The following WDFY4 variants were observed in gnomAD, a reference collection of about 807,000 sequenced individuals.
The protein encoded by WDFY4 is WD repeat- and FYVE domain-containing protein 4.
A neutral mutation model predicts 351.9 loss-of-function variants in WDFY4; 169 were observed. That is an observed-to-expected ratio of 0.48 (90% CI 0.42 to 0.55). The LOEUF is 0.55. Ranked by LOEUF, WDFY4 falls within the 20% of genes least tolerant of loss-of-function variation. WDFY4 has a pLI of 0.00. For synonymous variants in WDFY4, 1,622 were observed against 1,574.6 expected, an observed-to-expected ratio of 1.03 and a Z score of -0.71; for missense variants, 3,803 against 3,935.6, an observed-to-expected ratio of 0.97 and a Z score of 0.90.
chr10:48,899,199 C>T (rs1837236173), intron 45 of WDFY4, among the ~76,000 whole-genome samples: 1 of 152,154 alleles, frequency 6.6e-6, no homozygotes, highest in Non-Finnish European at 1.5e-5. Flanking sequence ...AGGAGAAAGG[C>T]AGAGCTTGGC....
chr10:48,953,325 T>TCACACA (rs1336325628), intron 51 of WDFY4, among the ~76,000 whole-genome samples: 1 of 126,324 alleles, frequency 7.9e-6, no homozygotes, highest in African/African-American at 3.1e-5. Context: ...TCTCTCTCTC[T>TCACACA]CTCTCTCTCA....
chr10:48,798,192 T>G (rs2066937570), intron 24 of WDFY4, among the ~76,000 whole-genome samples: 1 of 152,200 alleles, frequency 6.6e-6, no homozygotes, highest in Non-Finnish European at 1.5e-5. Flanking sequence ...TTGTATAATA[T>G]AGATCAAGAT....
At chr10:48,854,131 A>C (rs1443604330) in intron 39 of WDFY4, among the ~76,000 whole-genome samples, 1 of 109,738 alleles carries the variant, frequency 9.1e-6, no homozygotes, top group Admixed American at 9.3e-5. Context: ...TTTTTTTTTG[A>C]CAAGGTCTGG....
At chr10:48,696,181 G>C (rs907181567) in intron 1 of WDFY4, among the ~76,000 whole-genome samples, 1 of 152,228 alleles carries the variant, frequency 6.6e-6, no homozygotes, top group Non-Finnish European at 1.5e-5. Context: ...CTTGGCCCAG[G>C]TAAGAAGTGG....
chr10:48,910,847 A>G, intron 47 of WDFY4: 1 of 923,016 alleles, frequency 1.1e-6, no homozygotes, highest in African/African-American at 1.8e-5. Context: ...TGCAGCGGGG[A>G]AGGGAGGACG....
At chr10:48,778,359 G>A (rs767066002) in intron 17 of WDFY4, among the ~76,000 whole-genome samples, 2 of 152,242 alleles carry the variant, frequency 1.3e-5, no homozygotes, top group Non-Finnish European at 2.9e-5. Flanking sequence ...AAGGTCCTCT[G>A]CCCCACAGAG....
chr10:48,901,309 C>G (rs577532187), intron 46 of WDFY4, among the ~76,000 whole-genome samples: 1 of 152,360 alleles, frequency 6.6e-6, no homozygotes, highest in South Asian at 2.1e-4. Flanking sequence ...AAACTTGATT[C>G]ATTTCCCCCT....
At chr10:48,896,191 G>A (rs1422810703) in intron 44 of WDFY4, among the ~76,000 whole-genome samples, 2 of 152,244 alleles carry the variant, frequency 1.3e-5, no homozygotes, top group African/African-American at 4.8e-5. Context: ...TGGTCTGCAG[G>A]GGAGACAGAC....
At chr10:48,716,724 C>T (rs575081987) in intron 2 of WDFY4, among the ~76,000 whole-genome samples, 2 of 152,316 alleles carry the variant, frequency 1.3e-5, no homozygotes, top group South Asian at 4.1e-4. Flanking sequence ...GGAGTGCCTC[C>T]TGGAGTCCCA....
chr10:48,968,846 C>G, intron 55 of WDFY4: 2 of 547,038 alleles, frequency 3.7e-6, no homozygotes, highest in Non-Finnish European at 6.5e-6. Flanking sequence ...TGACTCCTGC[C>G]CCGGGGCCCG....
At chr10:48,731,671 T>C (rs2064465087) in intron 9 of WDFY4, 109 bp downstream of exon 9, 2 of 1,259,946 alleles carry the variant, frequency 1.6e-6, no homozygotes, top group Non-Finnish European at 1.1e-6. Context: ...AGCATGCCCA[T>C]GTCACTGGGA....
At chr10:48,967,622 G>A (rs899449653) in intron 55 of WDFY4, 2 of 152,230 alleles carry the variant, frequency 1.3e-5, no homozygotes, top group Non-Finnish European at 2.9e-5. Context: ...ACTGGGGTGG[G>A]GGTGGTTCCA....
At chr10:48,900,984 C>T (rs984064339) in intron 46 of WDFY4, among the ~76,000 whole-genome samples, 3 of 152,116 alleles carry the variant, frequency 2.0e-5, no homozygotes. Context: ...TGTGCTGCTC[C>T]ACATGGGCTG....
At chr10:48,981,844 C>T (rs1331596220) in intron 61 of WDFY4, among the ~76,000 whole-genome samples, 1 of 152,214 alleles carries the variant, frequency 6.6e-6, no homozygotes, top group Admixed American at 6.5e-5. Context: ...GATGATTATC[C>T]TTCATTAACA....
In WDFY4 at chr10:48,833,834, A is replaced by G. The variant is rs117863284; in HGVS notation, c.6663+1125A>G. On this transcript the variant is annotated intron_variant, in intron 39 of 61. Coordinates refer to ENST00000325239, the MANE Select transcript of WDFY4 (RefSeq NM_001394531.1). ...GAAAGGTTCCCCAGGGAGGTAAAGT[A>G]GACAGCTGACAGACACATTAACATA... 2.2e-4 allele frequency among the ~76,000 whole-genome samples: 34 copies of G among 152,354 alleles called. No homozygotes were observed. The East Asian group carries it at 6.4e-3, about 28-fold the overall frequency.
rs2066167142 is a variant in WDFY4 at position 48,780,039 on chromosome 10, G to A, written c.3496G>A (p.Ala1166Thr). The change falls in exon 19 of 62, where the codon GCT (alanine) becomes ACT (threonine). Residue 1166 changes from alanine (A) to threonine (T), a missense_variant. Around this residue, in one of 3 missense-constraint regions of WDFY4, gnomAD observed 3,054 missense variants for 3,148.6 expected, o/e 0.97. Transcript: ENST00000325239. Reference sequence around the variant, plus strand: ...GGCTTGTGGTCAGTGGCATCACTTGGCTGTGGTTGTCACTAAGGAAATGAA... The same window carrying A: ...GGCTTGTGGTCAGTGGCATCACTTGACTGTGGTTGTCACTAAGGAAATGAA... ...LLACGQWHHL[A>T]VVVTKEMKRH... 2 of 1,551,796 alleles carry A rather than the reference G, an allele frequency of 1.3e-6. No individual in the cohort carries two copies. Among genetic ancestry groups the A allele is most frequent in the Admixed American group, 2.0e-5 (1 of 50,990 alleles).
At chr10:48,735,818 T>A in intron 10 of WDFY4, 62 bp from the exon 11 acceptor site, 1 of 1,408,784 alleles carries the variant, frequency 7.1e-7, no homozygotes, top group South Asian at 1.4e-5. Flanking sequence ...TTTCTTTTGA[T>A]TGAAACTGAA....
At chr10:48,882,539 A>G (rs924204323) in intron 43 of WDFY4, among the ~76,000 whole-genome samples, 3 of 152,096 alleles carry the variant, frequency 2.0e-5, no homozygotes, top group Non-Finnish European at 2.9e-5. Flanking sequence ...ATTTATAATG[A>G]AAAGAGGTTT....
chr10:48,926,905 T>G (rs1029486794), intron 47 of WDFY4, among the ~76,000 whole-genome samples: 1 of 152,212 alleles, frequency 6.6e-6, no homozygotes, highest in East Asian at 1.9e-4. Context: ...CTCCAGTCCC[T>G]GCAGGCCCAA....
Sources: gnomAD v4.1 joint callset for allele counts (sites outside exome capture counted in the v4.1 genomes callset) on GRCh38, gnomAD v4.1.1 for gene constraint, gnomAD v4.1.1 regional missense constraint, MANE v1.5 for transcripts, NCBI Gene and HGNC (gene_info 2026-07-23, HGNC 2026-07-21) for gene names.